Variants in HMBOX1 observed in about 807,000 individuals in gnomAD.
HMBOX1 encodes homeobox-containing protein 1.
A neutral mutation model predicts 54.5 loss-of-function variants in HMBOX1; 14 were observed. The observed-to-expected ratio is 0.26, with a 90% CI of 0.17 to 0.40. HMBOX1 has a LOEUF of 0.40. Ranked by LOEUF, HMBOX1 falls within the 10% of genes least tolerant of loss-of-function variation. HMBOX1 has a pLI of 1.00. For missense variants in HMBOX1, 332 were observed against 514.4 expected, an observed-to-expected ratio of 0.65 and a Z score of 3.43; for synonymous variants, 160 against 181.0, an observed-to-expected ratio of 0.88 and a Z score of 0.93.
chr8:28,895,363 A>G (rs896041447), intron 1 of HMBOX1, among the ~76,000 whole-genome samples: 3 of 152,264 alleles, frequency 2.0e-5, no homozygotes, highest in East Asian at 3.9e-4. Context: ...TTAAGACTGA[A>G]TTGTTCTGCT....
intron 4 of HMBOX1, among the ~76,000 whole-genome samples, chr8:28,999,876 A>G (rs1229405538): frequency 1.3e-5 from 2 of 152,082 alleles, no homozygotes; most frequent in Admixed American, 6.6e-5. Context: ...TAAGTTCAAT[A>G]TCTGGATTTC....
intron 1 of HMBOX1, among the ~76,000 whole-genome samples, chr8:28,912,765 A>G (rs1585735943): frequency 6.6e-6 from 1 of 152,130 alleles, no homozygotes; most frequent in South Asian, 2.1e-4. Context: ...AAGCTCATCT[A>G]CCTTTATAGC....
intron 1 of HMBOX1, among the ~76,000 whole-genome samples, chr8:28,939,930 G>A (rs970876562): frequency 1.3e-5 from 2 of 152,160 alleles, no homozygotes; most frequent in African/African-American, 4.8e-5. Context: ...CCTTCCCATA[G>A]TAGGTCTTTT....
intron 6 of HMBOX1, among the ~76,000 whole-genome samples, chr8:29,022,408 AC>A (rs1218536368): frequency 2.0e-5 from 3 of 152,148 alleles, no homozygotes; most frequent in Non-Finnish European, 4.4e-5. Flanking sequence ...ACAGAGAAAG[AC>A]CCTATCTCAA....
chr8:29,014,193 GT>G (rs953338492), intron 5 of HMBOX1, among the ~76,000 whole-genome samples: 7 of 149,500 alleles, frequency 4.7e-5, no homozygotes, highest in Admixed American at 6.7e-5. Flanking sequence ...AGAGTTTTGG[GT>G]TTTTTTTTTC....
At chr8:28,909,935 C>G (rs1267931417) in intron 1 of HMBOX1, among the ~76,000 whole-genome samples, 1 of 151,942 alleles carries the variant, frequency 6.6e-6, no homozygotes, top group Non-Finnish European at 1.5e-5. Flanking sequence ...TCATGGCTCA[C>G]TGCAGCCTTG....
At chr8:28,926,304 T>TATATATATATATATATACACACAC (rs796953426) in intron 1 of HMBOX1, among the ~76,000 whole-genome samples, 3 of 142,136 alleles carry the variant, frequency 2.1e-5, no homozygotes, top group Admixed American at 1.4e-4. Context: ...TATATATATA[T>TATATATATATATATATACACACAC]ACACACACAC....
intron 4 of HMBOX1, among the ~76,000 whole-genome samples, chr8:28,983,374 C>G (rs1436190938): frequency 6.6e-6 from 1 of 152,176 alleles, no homozygotes; most frequent in Non-Finnish European, 1.5e-5. Flanking sequence ...TGGATGCTCC[C>G]AGAGTTTTGG....
At chr8:29,033,062 A>C (rs979149065) in intron 6 of HMBOX1, among the ~76,000 whole-genome samples, 1 of 152,080 alleles carries the variant, frequency 6.6e-6, no homozygotes, top group African/African-American at 2.4e-5. Flanking sequence ...TTGTGGGAGC[A>C]GAGTTGAGTC....
intron 1 of HMBOX1, among the ~76,000 whole-genome samples, chr8:28,892,886 A>G (rs539531659): frequency 2.4e-4 from 37 of 152,328 alleles, no homozygotes; most frequent in African/African-American, 8.2e-4. Flanking sequence ...TGCAAAAACC[A>G]GAGAAAAATC....
In HMBOX1 at chr8:28,970,387, A is replaced by T. The variant is rs758398543; in HGVS notation, c.368A>T (p.Glu123Val). ...AATCAAAATGGGAGGGAGAATAATG[A>T]GCGATTATCTACATCCAATGGAAAG... is the stretch of plus-strand genomic sequence containing the variant. ...TTNQNGRENN[E>V]RLSTSNGKMS... The change falls in exon 3 of 10, where the codon GAG (glutamate) becomes GTG (valine). Residue 123 changes from glutamate to valine, a missense_variant. Physicochemically the swap from Glu to Val is moderately radical, Grantham distance 121. Around this residue, in one of 4 missense-constraint regions of HMBOX1, gnomAD observed 146 missense variants for 173.3 expected, o/e 0.84. Coordinates refer to ENST00000287701, the MANE Select transcript of HMBOX1 (RefSeq NM_001135726.3). This position sits in a 1 kb window ranked among gnomAD's most constrained non-coding sequence, Gnocchi z 4.3. The T allele has an allele frequency of 6.2e-7, 1 of 1,614,124 alleles. No homozygotes were observed. Among genetic ancestry groups the T allele is most frequent in the South Asian group, 1.1e-5 (1 of 91,080 alleles).
At chr8:28,977,395 T>TA (rs1037224695) in intron 3 of HMBOX1, among the ~76,000 whole-genome samples, 4 of 152,220 alleles carry the variant, frequency 2.6e-5, no homozygotes, top group African/African-American at 7.2e-5. Flanking sequence ...ATACTTTATT[T>TA]AAAAAGTTTC....
intron 4 of HMBOX1, among the ~76,000 whole-genome samples, chr8:28,993,966 C>T (rs1831382887): frequency 1.3e-5 from 2 of 152,068 alleles, no homozygotes; most frequent in African/African-American, 2.4e-5. Context: ...GTCAGGAGTT[C>T]AGGACTAGCC....
chr8:28,906,780 G>A (rs1476578966), intron 1 of HMBOX1, among the ~76,000 whole-genome samples: 6 of 151,954 alleles, frequency 3.9e-5, no homozygotes, highest in African/African-American at 2.4e-5. Flanking sequence ...TAGTAGAGAC[G>A]GGGTTTCACC....
At chr8:28,968,554 A>G (rs1202595100) in intron 2 of HMBOX1, among the ~76,000 whole-genome samples, 1 of 152,202 alleles carries the variant, frequency 6.6e-6, no homozygotes, top group African/African-American at 2.4e-5. Flanking sequence ...AAGAACATCT[A>G]CCATGGGGAG....
At chr8:28,924,900 C>T (rs963705365) in intron 1 of HMBOX1, 3 of 151,356 alleles carry the variant, frequency 2.0e-5, no homozygotes, top group African/African-American at 7.3e-5. Flanking sequence ...GCATGAGCCA[C>T]CGCGCCCAGC....
intron 9 of HMBOX1, chr8:29,050,755 A>T (rs1434355790): frequency 9.0e-6 from 4 of 446,360 alleles, no homozygotes; most frequent in African/African-American, 5.9e-5. Flanking sequence ...CAGCAATCTT[A>T]TTAATAGAAT....
At chr8:29,017,541 TA>T (rs1173214569) in intron 5 of HMBOX1, among the ~76,000 whole-genome samples, 1 of 152,220 alleles carries the variant, frequency 6.6e-6, no homozygotes, top group Non-Finnish European at 1.5e-5. Context: ...ATTTTGAAGA[TA>T]AAATGAACTT....
chr8:28,911,052 G>T (rs528048692), intron 1 of HMBOX1, among the ~76,000 whole-genome samples: 5 of 152,260 alleles, frequency 3.3e-5, no homozygotes, highest in Admixed American at 6.5e-5. Context: ...GTTGTACTGG[G>T]GGAGTCGATT....
Sources: gnomAD v4.1 joint callset for allele counts (sites outside exome capture counted in the v4.1 genomes callset) on GRCh38, gnomAD v4.1.1 for gene constraint, gnomAD v4.1.1 regional missense constraint, Gnocchi (gnomAD v3.1) non-coding constraint, MANE v1.5 for transcripts, NCBI Gene and HGNC (gene_info 2026-07-23, HGNC 2026-07-21) for gene names.